Variants in NUP133 observed in about 807,000 individuals in gnomAD.
The protein encoded by NUP133 is nucleoporin 133.
A neutral mutation model predicts 146.2 loss-of-function variants in NUP133; 66 were observed. The ratio of observed to expected loss-of-function variants is 0.45; its 90% CI spans 0.37 to 0.55. The LOEUF is 0.55. Ranked by LOEUF, NUP133 falls within the 20% of genes least tolerant of loss-of-function variation. The pLI, the probability that NUP133 is intolerant of heterozygous loss-of-function variation, is 0.00. For missense variants in NUP133, 1,277 were observed against 1,374.8 expected, an observed-to-expected ratio of 0.93 and a Z score of 1.12; for synonymous variants, 521 against 498.8, an observed-to-expected ratio of 1.04 and a Z score of -0.59.
intron 21 of NUP133, 101 bp from the exon 22 acceptor site, chr1:229,452,744 A>C (rs1041171996): frequency 1.3e-5 from 10 of 766,140 alleles, no homozygotes; most frequent in Non-Finnish European, 2.1e-5. Context: ...TAAAAGAAAA[A>C]AATAGCTCCA....
chr1:229,441,839 GC>G lies in NUP133; in HGVS notation c.*64del, dbSNP rs1342577562. 47 of 1,305,896 alleles carry G rather than the reference GC, an allele frequency of 3.6e-5. No individual in the cohort carries two copies. In the Admixed American group the frequency reaches 1.2e-3, roughly 33 times the overall value. 80.9% of individuals were successfully genotyped at this position (1,305,896 alleles called of 1,614,324 possible). The stretch of plus-strand genomic sequence containing the variant: ...TTGTACAAACTTACACTTGTTTATG[GC>G]CTAAAATTTGTATAAGGACACACTT... On this transcript the variant is annotated 3_prime_UTR_variant, in exon 26 of 26. Coordinates refer to ENST00000261396, the MANE Select transcript of NUP133 (RefSeq NM_018230.3).
Position 229,500,817 on chromosome 1 carries a change from C to A in NUP133, c.452G>T (p.Trp151Leu), listed in dbSNP as rs1188596275. The change falls in exon 4 of 26, where the codon TGG becomes TTG. Residue 151 changes from tryptophan to leucine, a missense_variant. Around this residue, in one of 3 missense-constraint regions of NUP133, gnomAD observed 319 missense variants for 306.9 expected, o/e 1.04. Coordinates refer to ENST00000261396, the MANE Select transcript of NUP133 (RefSeq NM_018230.3). ...ELQLPPSDFH[W>L]SADLVALSYS... Reference sequence around the variant, plus strand: ...AGAAAGAGCCACTAAGTCGGCACTCCAGTGGAAATCACTAGGTGGCAGCTG... The same window carrying A: ...AGAAAGAGCCACTAAGTCGGCACTCAAGTGGAAATCACTAGGTGGCAGCTG... 1 of 1,612,826 alleles carries A rather than the reference C, an allele frequency of 6.2e-7. No individual in the cohort carries two copies. The highest frequency in any genetic ancestry group is 8.5e-7 in the Non-Finnish European group (1 of 1,179,288).
chr1:229,508,047 C>G, intron 1 of NUP133, 21 bp downstream of exon 1: 1 of 1,440,532 alleles, frequency 6.9e-7, no homozygotes, highest in African/African-American at 1.5e-5. Context: ...GTTGCCAGAC[C>G]CAACCAGGGA....
In NUP133 at chr1:229,470,780, T is replaced by C. The variant is rs1392267630; in HGVS notation, c.1876A>G (p.Ser626Gly). 6.2e-7 allele frequency: 1 copy of C among 1,614,040 alleles called. No homozygotes were observed. Among genetic ancestry groups the C allele is most frequent in the Non-Finnish European group, 8.5e-7 (1 of 1,180,008 alleles). The change falls in exon 15 of 26, where the codon AGT becomes GGT. Residue 626 changes from serine to glycine, a missense_variant. Coordinates refer to ENST00000261396, the MANE Select transcript of NUP133 (RefSeq NM_018230.3). Reference sequence around the variant, plus strand: ...ATCGGTGTCCCTCTAACTGGAAAACTGCCTAGACGTCCAAATAAGCCAACC... The same window carrying C: ...ATCGGTGTCCCTCTAACTGGAAAACCGCCTAGACGTCCAAATAAGCCAACC... ...HQVGLFGRLG[S>G]FPVRGTPMAT...
chr1:229,484,612 TA>T (rs1438004148), intron 11 of NUP133, among the ~76,000 whole-genome samples: 2 of 152,202 alleles, frequency 1.3e-5, no homozygotes, highest in Admixed American at 6.5e-5. Context: ...CATTTCATCA[TA>T]ATTAACAGAA....
At chr1:229,465,551 A>ATGTGATGAT in intron 16 of NUP133, 32 bp from the exon 17 acceptor site, 1 of 1,399,898 alleles carries the variant, frequency 7.1e-7, no homozygotes, top group Non-Finnish European at 1.0e-6. Context: ...TATCACATGC[A>ATGTGATGAT]AAAGGTGATG....
intron 15 of NUP133, among the ~76,000 whole-genome samples, chr1:229,469,049 C>T (rs73114366): frequency 0.03 from 4,494 of 152,212 alleles, 218 homozygotes; most frequent in African/African-American, 0.1. Flanking sequence ...AGAGACTTGT[C>T]GGCACAGTGT....
intron 8 of NUP133, among the ~76,000 whole-genome samples, chr1:229,492,584 A>G (rs938806761): frequency 6.6e-6 from 1 of 151,896 alleles, no homozygotes; most frequent in Non-Finnish European, 1.5e-5. Context: ...CAGCTCCCCA[A>G]ACTTTATCAC....
chr1:229,460,590 C>G, intron 20 of NUP133, 21 bp downstream of exon 20: 3 of 1,607,380 alleles, frequency 1.9e-6, no homozygotes, highest in Non-Finnish European at 2.5e-6. Flanking sequence ...CACATCTGCT[C>G]CATAGAAAAA....
chr1:229,483,990 G>GCACA, intron 12 of NUP133, 64 bp downstream of exon 12: 1 of 1,142,324 alleles, frequency 8.8e-7, no homozygotes, highest in Non-Finnish European at 1.3e-6. Context: ...TCAATAAGTA[G>GCACA]CACATGTCAG....
intron 12 of NUP133, among the ~76,000 whole-genome samples, chr1:229,481,508 C>G (rs1192443263): frequency 1.3e-5 from 2 of 151,938 alleles, no homozygotes; most frequent in African/African-American, 4.8e-5. Context: ...GGAGTTTGAG[C>G]CCAGCCTGGC....
intron 18 of NUP133, 140 bp from the exon 19 acceptor site, chr1:229,463,816 G>T: frequency 1.1e-6 from 1 of 933,884 alleles, no homozygotes; most frequent in Non-Finnish European, 1.5e-6. Flanking sequence ...CCCACTTACT[G>T]GCACTTAGTT....
rs566559395 is a variant in NUP133 at position 229,465,367 on chromosome 1, G to A, written c.2299+53C>T. ...GGGGAATAACACAACTTCTAAAAAT[G>A]ATGGGTCATTAGAAATATATTTTGA... On this transcript the variant is annotated intron_variant, in intron 17 of 25. Transcript: ENST00000261396. 373 of 1,371,962 alleles carry A rather than the reference G, an allele frequency of 2.7e-4. 6 individuals are homozygous for A. In the South Asian group the frequency reaches 4.3e-3, roughly 16 times the overall value. The allele number at this position is 1,371,962 out of a possible 1,614,324, so 85.0% of individuals were successfully genotyped here. A position where few individuals can be genotyped will look rare whatever the true frequency, so the allele number is the denominator to read the frequency against.
intron 14 of NUP133, among the ~76,000 whole-genome samples, chr1:229,472,320 A>G (rs559603394): frequency 2.4e-5 from 2 of 82,588 alleles, no homozygotes; most frequent in African/African-American, 1.5e-4. Flanking sequence ...CTCCGTCTCA[A>G]AAAAAAAAAA....
At chr1:229,458,463 T>G (rs1294905710) in intron 20 of NUP133, among the ~76,000 whole-genome samples, 167 bp from the exon 21 acceptor site, 1 of 152,146 alleles carries the variant, frequency 6.6e-6, no homozygotes, top group African/African-American at 2.4e-5. Context: ...TGAGAGTAAT[T>G]ACACAGCAAA....
Position 229,444,935 on chromosome 1 carries a change from A to T in NUP133, c.3313T>A (p.Leu1105Ile). 1 of 1,609,744 alleles carries T rather than the reference A, an allele frequency of 6.2e-7. No individual in the cohort carries two copies. The highest frequency in any genetic ancestry group is 1.3e-5 in the African/African-American group (1 of 74,924). Reference sequence around the variant, plus strand: ...TTACCATCTTTTAAAAGTTTCTGTAAGATCTTCACAAATATACTGTCTTTA... The same window carrying T: ...TTACCATCTTTTAAAAGTTTCTGTATGATCTTCACAAATATACTGTCTTTA... Reference protein sequence around the residue: ...VSKDSIFVKILQKLLKDGIQL... With the variant: ...VSKDSIFVKIIQKLLKDGIQL... Residue 1105 changes from leucine to isoleucine, a missense_variant, in exon 25 of 26, where the codon TTA becomes ATA. By Grantham distance (5) the Leu-to-Ile change is conservative. Coordinates refer to ENST00000261396, the MANE Select transcript of NUP133 (RefSeq NM_018230.3).
At chr1:229,482,586 G>A (rs930569002) in intron 12 of NUP133, among the ~76,000 whole-genome samples, 1 of 152,112 alleles carries the variant, frequency 6.6e-6, no homozygotes, top group Non-Finnish European at 1.5e-5. Flanking sequence ...CAGAATACAT[G>A]AGCAGAATAC....
At chr1:229,466,994 A>AC (rs1427918053) in intron 15 of NUP133, among the ~76,000 whole-genome samples, 4 of 91,582 alleles carry the variant, frequency 4.4e-5, no homozygotes, top group African/African-American at 2.0e-4. Flanking sequence ...TGTTACTGAG[A>AC]TTTTTAAGCG....
At chr1:229,477,538 CTAA>C (rs1201633419) in intron 13 of NUP133, 56 bp downstream of exon 13, 4 of 1,375,192 alleles carry the variant, frequency 2.9e-6, no homozygotes, top group Non-Finnish European at 3.9e-6. Context: ...AGAGATGCTT[CTAA>C]TAAAGAAACC....
Sources: gnomAD v4.1 joint callset for allele counts (sites outside exome capture counted in the v4.1 genomes callset) on GRCh38, gnomAD v4.1.1 for gene constraint, gnomAD v4.1.1 regional missense constraint, MANE v1.5 for transcripts, NCBI Gene and HGNC (gene_info 2026-07-23, HGNC 2026-07-21) for gene names.